The following PARD3B variants were observed in gnomAD, a reference collection of about 807,000 sequenced individuals.
PARD3B encodes the protein partitioning defective 3 homolog B.
PARD3B carries 103 observed loss-of-function variants against 130.2 expected under a neutral mutation model. The ratio of observed to expected loss-of-function variants is 0.79; its 90% CI spans 0.67 to 0.93. The LOEUF (loss-of-function observed/expected upper bound fraction) is 0.93, where lower values mean the gene tolerates loss of function less well. Among genes scored for constraint, PARD3B ranks in the 40% least tolerant of loss-of-function variants. The probability of loss-of-function intolerance (pLI) is 0.00; values close to 1 mark genes in which losing one functional copy is unlikely to be tolerated. For synonymous variants in PARD3B, 583 were observed against 553.2 expected (o/e 1.05, Z -0.76); for missense variants, 1,609 against 1,499.2 (o/e 1.07, Z -1.21).
At chr2:205,041,570 G>C (rs1017860399) in intron 3 of PARD3B, among the ~76,000 whole-genome samples, 2 of 151,956 alleles carry the variant, frequency 1.3e-5, no homozygotes, top group Non-Finnish European at 2.9e-5. Flanking sequence ...CTGTGCGTGA[G>C]GTCCTCTAGT....
intron 15 of PARD3B, among the ~76,000 whole-genome samples, chr2:205,213,828 A>G (rs11895487): frequency 0.16 from 24,429 of 152,124 alleles, 2,277 homozygotes; most frequent in African/African-American, 0.26. Flanking sequence ...CAAAGGCTTC[A>G]ATTTCATTAA....
intron 15 of PARD3B, among the ~76,000 whole-genome samples, chr2:205,211,962 GAATA>G (rs755137922): frequency 2.6e-5 from 4 of 152,014 alleles, no homozygotes; most frequent in Non-Finnish European, 5.9e-5. Context: ...TCAAAATTTG[GAATA>G]AATTATCATA....
chr2:204,561,937 G>A (rs541701050), intron 1 of PARD3B, among the ~76,000 whole-genome samples: 334 of 151,992 alleles, frequency 2.2e-3, no homozygotes, highest in Non-Finnish European at 3.7e-3. Context: ...CTGGCCTGTT[G>A]GGTCTCAAAC....
chr2:204,968,324 CT>C (rs989805302), intron 3 of PARD3B, among the ~76,000 whole-genome samples: 5 of 152,122 alleles, frequency 3.3e-5, no homozygotes, highest in African/African-American at 9.7e-5. Context: ...TTTTATATTT[CT>C]TTTTCCAACA....
intron 21 of PARD3B, among the ~76,000 whole-genome samples, chr2:205,542,962 C>T (rs1245706440): frequency 6.6e-6 from 1 of 152,124 alleles, no homozygotes; most frequent in African/African-American, 2.4e-5. Flanking sequence ...CCCTTTAAAA[C>T]ATTTTGATAG....
At chr2:205,147,196 TA>T (rs1201370551) in intron 10 of PARD3B, among the ~76,000 whole-genome samples, 2 of 152,220 alleles carry the variant, frequency 1.3e-5, no homozygotes, top group Non-Finnish European at 1.5e-5. Context: ...GTCTGAATTA[TA>T]AAATTTCTAT....
chr2:205,170,905 A>G (rs1402913848), intron 11 of PARD3B, among the ~76,000 whole-genome samples: 2 of 151,660 alleles, frequency 1.3e-5, no homozygotes, highest in South Asian at 4.1e-4. Context: ...TGTGTTGTGC[A>G]GTTGTAGTCT....
intron 21 of PARD3B, among the ~76,000 whole-genome samples, chr2:205,505,251 G>T (rs1030091142): frequency 6.6e-6 from 1 of 151,588 alleles, no homozygotes; most frequent in Non-Finnish European, 1.5e-5. Context: ...GGGGTGGGGG[G>T]AGTGGGGAGG....
At chr2:205,412,592 G>A (rs1559069472) in intron 19 of PARD3B, among the ~76,000 whole-genome samples, 1 of 152,146 alleles carries the variant, frequency 6.6e-6, no homozygotes, top group Non-Finnish European at 1.5e-5. Context: ...TGCATACAGT[G>A]CAAACTCTTT....
chr2:204,972,249 G>T (rs1032795000), intron 3 of PARD3B, among the ~76,000 whole-genome samples: 16 of 151,544 alleles, frequency 1.1e-4, no homozygotes, highest in Admixed American at 2.0e-4. Context: ...ATATATATAG[G>T]CCTCATAGTT....
intron 15 of PARD3B, among the ~76,000 whole-genome samples, chr2:205,224,557 C>T (rs2038439922): frequency 8.8e-6 from 1 of 114,124 alleles, no homozygotes; most frequent in Non-Finnish European, 1.8e-5. Context: ...CCGCCCCCAA[C>T]CCCCCAGCAC....
intron 2 of PARD3B, among the ~76,000 whole-genome samples, chr2:204,848,651 C>T (rs2044568399): frequency 6.6e-6 from 1 of 151,618 alleles, no homozygotes; most frequent in East Asian, 1.9e-4. Flanking sequence ...GTCTATCTAT[C>T]TATCTATCTA....
intron 21 of PARD3B, among the ~76,000 whole-genome samples, chr2:205,517,692 A>C (rs999202286): frequency 5.9e-5 from 9 of 151,998 alleles, no homozygotes; most frequent in African/African-American, 1.7e-4. Flanking sequence ...TTAATTTGAG[A>C]TCTTTCTGAC....
At position 205,589,020 on chromosome 2, in the gene PARD3B, G is replaced by A. The variant is rs1313880130; in HGVS notation, c.3261-26436G>A. Among the ~76,000 whole-genome samples, 1 of 152,206 alleles carries A rather than the reference G, an allele frequency of 6.6e-6. No homozygotes were observed. The highest frequency in any genetic ancestry group is 1.9e-4 in the East Asian group (1 of 5,186). On this transcript the variant is annotated intron_variant, in intron 22 of 22. Transcript: ENST00000406610. This position sits in a 1 kb window ranked among gnomAD's most constrained non-coding sequence, Gnocchi z 4.1. ...TAAGCATCTCTGGCTGGGCATGGTG[G>A]CTCATGCCCATAATCCCAGCACACC...
In PARD3B at chr2:205,125,571, A is replaced by G; in HGVS notation, c.1306-38A>G. The G allele has an allele frequency of 6.2e-7, 1 of 1,606,028 alleles. No individual in the cohort carries two copies. ...TCTAGTGTAGAAGGAGATAACAAGT[A>G]TTGTGATTGTGGCTGTTCATATGCT... On this transcript the variant is annotated intron_variant, in intron 9 of 22. Transcript: ENST00000406610. This position sits in a 1 kb window ranked among gnomAD's most constrained non-coding sequence, Gnocchi z 4.0.
chr2:205,550,939 G>GTATATATA lies in PARD3B; in HGVS notation c.3181-2384_3181-2383insATATATAT, dbSNP rs1180732924. Among the ~76,000 whole-genome samples, 5 of 56,036 alleles carry GTATATATA rather than the reference G, an allele frequency of 8.9e-5. No homozygotes were observed. The highest frequency in any genetic ancestry group is 2.6e-4 in the African/African-American group (5 of 19,520). The allele number at this position is 56,036 out of a possible 152,430, so 36.8% of individuals were successfully genotyped here. Reference sequence around the variant, plus strand: ...CATATAATTATGTGTGTGTGTGTGTGTGTATATATATATGTGTATATATAT... The same window carrying GTATATATA: ...CATATAATTATGTGTGTGTGTGTGTGTATATATATGTATATATATATGTGTATATATAT... On this transcript the variant is annotated intron_variant, in intron 21 of 22. Coordinates refer to ENST00000406610, the MANE Select transcript of PARD3B (RefSeq NM_001302769.2). This position sits in a 1 kb window ranked among gnomAD's most constrained non-coding sequence, Gnocchi z 4.5.
chr2:205,089,146 CTTTTTTTTT>C (rs34517258), intron 4 of PARD3B, among the ~76,000 whole-genome samples: 326 of 143,304 alleles, frequency 2.3e-3, no homozygotes, highest in Non-Finnish European at 4.0e-3. Context: ...TTTTTTCTTT[CTTTTTTTTT>C]TTTCTTTTTT....
intron 2 of PARD3B, among the ~76,000 whole-genome samples, chr2:204,729,173 A>G (rs1559094676): frequency 6.6e-6 from 1 of 152,234 alleles, no homozygotes; most frequent in Non-Finnish European, 1.5e-5. Flanking sequence ...TTGGTCTCAC[A>G]TAGTCATGCA....
chr2:204,546,598 A>G (rs2029956778), intron 1 of PARD3B, among the ~76,000 whole-genome samples: 1 of 148,584 alleles, frequency 6.7e-6, no homozygotes, highest in African/African-American at 2.4e-5. Flanking sequence ...CGGAAGTTAC[A>G]ACTGATGGGG....
Sources: allele counts gnomAD v4.1 joint callset (sites outside exome capture counted in the v4.1 genomes callset), GRCh38; gene constraint gnomAD v4.1.1; non-coding constraint Gnocchi (gnomAD v3.1); transcripts MANE v1.5; gene names NCBI Gene and HGNC (gene_info 2026-07-23, HGNC 2026-07-21).